USP10: variants seen among roughly 807,000 people sequenced by gnomAD.
The protein encoded by USP10 is ubiquitin specific peptidase 10.
A neutral mutation model predicts 84.5 loss-of-function variants in USP10; 22 were observed. The ratio of observed to expected loss-of-function variants is 0.26; its 90% CI spans 0.19 to 0.37. USP10 has a LOEUF of 0.37. Ranked by LOEUF, USP10 falls within the 10% of genes least tolerant of loss-of-function variation. The pLI, the probability that USP10 is intolerant of heterozygous loss-of-function variation, is 1.00. For missense variants in USP10, 1,019 were observed against 998.9 expected (o/e 1.02, Z -0.27); for synonymous variants, 454 against 387.6 (o/e 1.17, Z -2.01).
chr16:84,703,221 C>G (rs762374652), intron 1 of USP10, among the ~76,000 whole-genome samples: 2 of 152,122 alleles, frequency 1.3e-5, no homozygotes, highest in Non-Finnish European at 2.9e-5. Flanking sequence ...AAGTGAATAT[C>G]CTTGTCACTG....
chr16:84,756,605 T>C (rs1156659202), intron 4 of USP10, among the ~76,000 whole-genome samples: 1 of 151,956 alleles, frequency 6.6e-6, no homozygotes, highest in East Asian at 1.9e-4. Flanking sequence ...AAAACAAAGG[T>C]TTCTATGTTA....
intron 1 of USP10, among the ~76,000 whole-genome samples, chr16:84,705,990 G>T (rs1905450311): frequency 6.6e-6 from 1 of 152,074 alleles, no homozygotes; most frequent in Non-Finnish European, 1.5e-5. Flanking sequence ...CCAAAGTGCT[G>T]GGATTACAGG....
At chr16:84,710,277 A>G (rs919833753) in intron 1 of USP10, among the ~76,000 whole-genome samples, 25 of 152,084 alleles carry the variant, frequency 1.6e-4, no homozygotes, top group African/African-American at 5.8e-4. Context: ...CGGAAAAAAA[A>G]AAAAAAAAAA....
intron 1 of USP10, among the ~76,000 whole-genome samples, chr16:84,710,125 C>G (rs370575743): frequency 1.8e-4 from 27 of 152,198 alleles, no homozygotes; most frequent in African/African-American, 6.5e-4. Flanking sequence ...CAAAAATTAG[C>G]CGGGCGTGGT....
chr16:84,718,687 C>T (rs139106421), intron 1 of USP10, among the ~76,000 whole-genome samples: 1,588 of 150,764 alleles, frequency 0.011, 10 homozygotes, highest in Non-Finnish European at 0.015. Flanking sequence ...ACCCAGGAGT[C>T]GGAGGTTGCA....
intron 10 of USP10, among the ~76,000 whole-genome samples, chr16:84,764,939 A>AAAAAAAAAATATATAT (rs370383030): frequency 7.6e-6 from 1 of 132,256 alleles, no homozygotes; most frequent in Non-Finnish European, 1.6e-5. Context: ...GAGAAAAAAA[A>AAAAAAAAAATATATAT]ATATATATAT....
At chr16:84,721,692 CTTTGT>C (rs201206784) in intron 1 of USP10, among the ~76,000 whole-genome samples, 31 of 151,846 alleles carry the variant, frequency 2.0e-4, no homozygotes, top group Middle Eastern at 3.4e-3. Context: ...CCAAGTCTGG[CTTTGT>C]TTTGTTTTGT....
intron 4 of USP10, 147 bp downstream of exon 4, chr16:84,745,820 T>C: frequency 1.2e-6 from 1 of 866,772 alleles, no homozygotes; most frequent in South Asian, 1.9e-5. Flanking sequence ...TTAAATGTTC[T>C]CTAAAAGTAA....
At chr16:84,717,783 C>T (rs1408471557) in intron 1 of USP10, among the ~76,000 whole-genome samples, 2 of 152,206 alleles carry the variant, frequency 1.3e-5, no homozygotes, top group Non-Finnish European at 2.9e-5. Context: ...GCCTTTGATT[C>T]ATTGAGGTCC....
intron 10 of USP10, among the ~76,000 whole-genome samples, chr16:84,767,959 G>C (rs1230833242): frequency 6.6e-6 from 1 of 152,100 alleles, no homozygotes; most frequent in East Asian, 1.9e-4. Flanking sequence ...GATTACTTGA[G>C]ATCAGGGATT....
intron 1 of USP10, among the ~76,000 whole-genome samples, chr16:84,709,897 G>A (rs34438310): frequency 0.19 from 29,236 of 151,872 alleles, 3,030 homozygotes; most frequent in Middle Eastern, 0.32. Flanking sequence ...GTGGTTAGCC[G>A]GGAGTCTGGA....
intron 1 of USP10, among the ~76,000 whole-genome samples, chr16:84,710,328 A>C (rs1375112729): frequency 2.6e-5 from 4 of 151,420 alleles, no homozygotes; most frequent in Non-Finnish European, 5.9e-5. Context: ...TCTTACTTAG[A>C]TGCTTCGAAA....
At chr16:84,758,969 A>G (rs1374364821) in intron 5 of USP10, among the ~76,000 whole-genome samples, 162 bp downstream of exon 5, 1 of 152,256 alleles carries the variant, frequency 6.6e-6, no homozygotes, top group Non-Finnish European at 1.5e-5. Context: ...AAACAGGATT[A>G]TTCCTGACCC....
intron 4 of USP10, among the ~76,000 whole-genome samples, chr16:84,753,228 T>C (rs971145215): frequency 2.0e-5 from 3 of 152,174 alleles, no homozygotes; most frequent in African/African-American, 7.2e-5. Context: ...GTGATCTTCC[T>C]GCCATAGCCT....
intron 1 of USP10, among the ~76,000 whole-genome samples, chr16:84,721,822 C>G (rs747108897): frequency 2.0e-5 from 3 of 152,242 alleles, no homozygotes; most frequent in South Asian, 4.1e-4. Flanking sequence ...CTCAGCCTCT[C>G]GAGTAGCTGG....
intron 12 of USP10, 89 bp downstream of exon 12, chr16:84,772,774 A>C (rs1914593841): frequency 6.6e-7 from 1 of 1,508,426 alleles, no homozygotes; most frequent in Admixed American, 2.0e-5. Flanking sequence ...TATGATGTCA[A>C]GAGTGAGGAC....
At chr16:84,702,760 AGGTG>A (rs1905049678) in intron 1 of USP10, among the ~76,000 whole-genome samples, 1 of 152,120 alleles carries the variant, frequency 6.6e-6, no homozygotes, top group Non-Finnish European at 1.5e-5. Flanking sequence ...TGGGAGGCGC[AGGTG>A]GGTGGATCAC....
chr16:84,776,026 T>C (rs1276809711), intron 13 of USP10, among the ~76,000 whole-genome samples: 2 of 152,340 alleles, frequency 1.3e-5, no homozygotes, highest in South Asian at 4.1e-4. Context: ...TGAACCTGTT[T>C]GTATCGTAAC....
At chr16:84,772,441 C>A in intron 11 of USP10, 100 bp from the exon 12 acceptor site, 1 of 1,534,646 alleles carries the variant, frequency 6.5e-7, no homozygotes, top group Non-Finnish European at 8.9e-7. Flanking sequence ...GACTCTTGGG[C>A]CTCACCTCTC....
Sources: allele counts gnomAD v4.1 joint callset (sites outside exome capture counted in the v4.1 genomes callset), GRCh38; gene constraint gnomAD v4.1.1; transcripts MANE v1.5; gene names NCBI Gene and HGNC (gene_info 2026-07-23, HGNC 2026-07-21).